CNTNAP5: variants seen among roughly 807,000 people sequenced by gnomAD.
CNTNAP5 encodes the protein contactin-associated protein-like 5.
In CNTNAP5, 72 loss-of-function variants were observed where a neutral mutation model predicts 150.2. The observed-to-expected ratio is 0.48, with a 90% CI of 0.40 to 0.58. CNTNAP5 has a LOEUF of 0.58. Ranked by LOEUF, CNTNAP5 falls within the 20% of genes least tolerant of loss-of-function variation. The probability of loss-of-function intolerance (pLI) is 0.00; values close to 1 mark genes in which losing one functional copy is unlikely to be tolerated. For missense variants in CNTNAP5, 1,636 were observed against 1,626.2 expected (o/e 1.01, Z -0.10); for synonymous variants, 672 against 619.8 (o/e 1.08, Z -1.25).
At chr2:124,155,625 T>G (rs568835926) in intron 1 of CNTNAP5, among the ~76,000 whole-genome samples, 80 of 152,206 alleles carry the variant, frequency 5.3e-4, no homozygotes, top group Non-Finnish European at 8.5e-4. Context: ...TTTTTCTCTC[T>G]TGGCTAATTT....
intron 3 of CNTNAP5, among the ~76,000 whole-genome samples, chr2:124,339,520 T>C (rs1366678100): frequency 6.6e-6 from 1 of 152,182 alleles, no homozygotes; most frequent in East Asian, 1.9e-4. Flanking sequence ...AATTGTTTCC[T>C]TCCCCTCTGA....
At chr2:124,586,202 G>A (rs1230398118) in intron 11 of CNTNAP5, among the ~76,000 whole-genome samples, 3 of 152,156 alleles carry the variant, frequency 2.0e-5, no homozygotes, top group Admixed American at 1.3e-4. Flanking sequence ...AAGGATCAAC[G>A]AATGAGCTGT....
chr2:124,908,115 G>C lies in CNTNAP5; in HGVS notation c.3656-3352G>C, dbSNP rs140080317. 9.5e-3 allele frequency among the ~76,000 whole-genome samples: 1,447 copies of C among 152,168 alleles called. 28 individuals are homozygous for C. Among genetic ancestry groups the C allele is most frequent in the African/African-American group, 0.032 (1,342 of 41,524 alleles). On this transcript the variant is annotated intron_variant, in intron 22 of 23. Coordinates refer to ENST00000682447, the MANE Select transcript of CNTNAP5 (RefSeq NM_001367498.1). ...AGGCTGGATGCAGTGGCTCACACCTGTAATCCCAGCACTTTGGGAGGCCAA... is the reference window on the plus strand; with the variant it reads ...AGGCTGGATGCAGTGGCTCACACCTCTAATCCCAGCACTTTGGGAGGCCAA...
Position 124,090,556 on chromosome 2 carries a change from A to G in CNTNAP5, c.82+64824A>G, listed in dbSNP as rs1056229837. 4.6e-5 allele frequency among the ~76,000 whole-genome samples: 7 copies of G among 152,330 alleles called. No individual in the cohort carries two copies. In the East Asian group the frequency reaches 1.3e-3, roughly 29 times the overall value. ...AAACAAACATATGCTTCCTTCTTTT[A>G]TGTTACTTACCTTGTGTTTGAACAC... On this transcript the variant is annotated intron_variant, in intron 1 of 23. Transcript: ENST00000682447.
At chr2:124,566,746 C>A (rs966144043) in intron 11 of CNTNAP5, among the ~76,000 whole-genome samples, 2 of 152,152 alleles carry the variant, frequency 1.3e-5, no homozygotes, top group Admixed American at 6.5e-5. Context: ...TTCCCCCTCC[C>A]CCAGTTGAAT....
intron 3 of CNTNAP5, among the ~76,000 whole-genome samples, chr2:124,296,695 A>G (rs1688439244): frequency 6.6e-6 from 1 of 152,200 alleles, no homozygotes; most frequent in Non-Finnish European, 1.5e-5. Flanking sequence ...GGCCTCTCTT[A>G]GTATAGAGAC....
At chr2:124,133,164 A>C (rs1453737221) in intron 1 of CNTNAP5, among the ~76,000 whole-genome samples, 1 of 152,176 alleles carries the variant, frequency 6.6e-6, no homozygotes, top group Non-Finnish European at 1.5e-5. Flanking sequence ...GGTAGTTGAG[A>C]TTCAGAAAGA....
intron 12 of CNTNAP5, among the ~76,000 whole-genome samples, chr2:124,625,678 TG>T (rs1354446399): frequency 6.6e-6 from 1 of 152,174 alleles, no homozygotes; most frequent in Non-Finnish European, 1.5e-5. Context: ...TCCTTCCGGA[TG>T]GGTCTTTTCA....
intron 3 of CNTNAP5, among the ~76,000 whole-genome samples, chr2:124,356,517 C>T (rs1468325579): frequency 1.4e-5 from 2 of 141,402 alleles, no homozygotes; most frequent in Admixed American, 1.5e-4. Context: ...TCCATGTGAT[C>T]TCATTGTTCA....
intron 1 of CNTNAP5, among the ~76,000 whole-genome samples, chr2:124,209,560 C>T (rs539241895): frequency 1.3e-4 from 20 of 152,232 alleles, no homozygotes; most frequent in Admixed American, 1.1e-3. Context: ...ATTTTAGAGA[C>T]CTGTCCAGTT....
At chr2:124,528,705 A>G (rs1040538132) in intron 10 of CNTNAP5, among the ~76,000 whole-genome samples, 2 of 152,188 alleles carry the variant, frequency 1.3e-5, no homozygotes, top group Admixed American at 1.3e-4. Context: ...AGGACCAGTC[A>G]TGAAGGACTT....
intron 2 of CNTNAP5, among the ~76,000 whole-genome samples, chr2:124,236,375 G>C (rs553975964): frequency 1.8e-4 from 28 of 152,314 alleles, no homozygotes; most frequent in African/African-American, 6.5e-4. Flanking sequence ...CTGCCCAGGA[G>C]CAGAAAGATT....
At chr2:124,098,036 T>A (rs754223387) in intron 1 of CNTNAP5, among the ~76,000 whole-genome samples, 260 of 150,946 alleles carry the variant, frequency 1.7e-3, no homozygotes, top group Admixed American at 1.7e-3. Context: ...TCAAAAAAAA[T>A]AAATAAATAG....
intron 1 of CNTNAP5, among the ~76,000 whole-genome samples, chr2:124,214,386 G>T (rs540015144): frequency 2.6e-5 from 4 of 152,132 alleles, no homozygotes; most frequent in Admixed American, 2.0e-4. Context: ...GGGTGTTCCC[G>T]CAGTCTGCTC....
chr2:124,328,283 G>A (rs1270786652), intron 3 of CNTNAP5, among the ~76,000 whole-genome samples: 1 of 152,222 alleles, frequency 6.6e-6, no homozygotes, highest in East Asian at 1.9e-4. Context: ...TTACATTGAT[G>A]TTCTCTGTTC....
chr2:124,666,623 C>T (rs1019873666), intron 13 of CNTNAP5, among the ~76,000 whole-genome samples: 1 of 152,122 alleles, frequency 6.6e-6, no homozygotes, highest in Non-Finnish European at 1.5e-5. Context: ...CGAGGGGTCT[C>T]TTCAGAGATG....
At chr2:124,361,746 T>A (rs992706129) in intron 3 of CNTNAP5, among the ~76,000 whole-genome samples, 1 of 151,716 alleles carries the variant, frequency 6.6e-6, no homozygotes, top group South Asian at 2.1e-4. Context: ...TCTGCAGAGG[T>A]TACTACTGTC....
chr2:124,197,790 G>A (rs10188021), intron 1 of CNTNAP5, among the ~76,000 whole-genome samples: 46,917 of 151,762 alleles, frequency 0.31, 7,394 homozygotes, highest in South Asian at 0.47. Context: ...GACCATCCTG[G>A]CTAACGTGGT....
At chr2:124,102,460 T>C (rs1172553783) in intron 1 of CNTNAP5, among the ~76,000 whole-genome samples, 1 of 152,184 alleles carries the variant, frequency 6.6e-6, no homozygotes, top group African/African-American at 2.4e-5. Context: ...CTCTGCCCAT[T>C]CATTGGCTTT....
Sources: allele counts gnomAD v4.1 joint callset (sites outside exome capture counted in the v4.1 genomes callset), GRCh38; gene constraint gnomAD v4.1.1; transcripts MANE v1.5; gene names NCBI Gene and HGNC (gene_info 2026-07-23, HGNC 2026-07-21).